PTPRT: variants seen among roughly 807,000 people sequenced by gnomAD.
The protein encoded by PTPRT is protein tyrosine phosphatase receptor type T.
A neutral mutation model predicts 176.8 loss-of-function variants in PTPRT; 56 were observed. The ratio of observed to expected loss-of-function variants is 0.32; its 90% CI spans 0.26 to 0.40. PTPRT has a LOEUF of 0.40. PTPRT is among the 10% of genes least tolerant of loss of function. The pLI, the probability that PTPRT is intolerant of heterozygous loss-of-function variation, is 1.00. For synonymous variants in PTPRT, 783 were observed against 739.0 expected (o/e 1.06, Z -0.96); for missense variants, 1,540 against 1,908.2 (o/e 0.81, Z 3.60).
chr20:42,068,318 C>T (rs756611162), downstream of PTPRT, among the ~76,000 whole-genome samples: 3 of 152,102 alleles, frequency 2.0e-5, no homozygotes, highest in Non-Finnish European at 2.9e-5. Context: ...TTCCCATGGC[C>T]GTGGATGACA....
chr20:42,580,159 G>A lies in PTPRT; in HGVS notation c.1153+97707C>T, dbSNP rs1176701049. On this transcript the variant is annotated intron_variant, in intron 7 of 30. Transcript: ENST00000373187. ...TTCCCAGCACCATCTATTAAATAGG[G>A]AATCCTTTCCCCATTGCTTGTTTTT... 2.0e-5 allele frequency among the ~76,000 whole-genome samples: 3 copies of A among 152,150 alleles called. No homozygotes were observed. In the East Asian group the frequency reaches 5.8e-4, roughly 29 times the overall value.
the PTPRT span, among the ~76,000 whole-genome samples, chr20:42,036,864 G>A: frequency 6.6e-6 from 1 of 152,158 alleles, no homozygotes; most frequent in African/African-American, 2.4e-5. Context: ...CATATCAGCA[G>A]AAAGAAGTTG....
chr20:42,643,172 C>A (rs546083564), intron 7 of PTPRT, among the ~76,000 whole-genome samples: 1 of 152,232 alleles, frequency 6.6e-6, no homozygotes, highest in East Asian at 1.9e-4. Context: ...CTGATGCAAC[C>A]AGTTCCATTA....
At chr20:43,146,438 G>A (rs184539811) in intron 1 of PTPRT, among the ~76,000 whole-genome samples, 89 of 152,234 alleles carry the variant, frequency 5.8e-4, no homozygotes, top group South Asian at 1.7e-3. Context: ...AGATGATTCT[G>A]TGTTCAGAAT....
chr20:42,108,260 T>G (rs1986664501), intron 23 of PTPRT, among the ~76,000 whole-genome samples: 1 of 136,380 alleles, frequency 7.3e-6, no homozygotes, highest in Admixed American at 7.4e-5. Context: ...TTATTTCATT[T>G]CAGCATCACA....
chr20:42,136,990 T>G (rs1988409993), intron 18 of PTPRT, among the ~76,000 whole-genome samples: 1 of 152,162 alleles, frequency 6.6e-6, no homozygotes, highest in Admixed American at 6.5e-5. Context: ...GAGGGCAGGT[T>G]CTGGGGACAT....
intron 1 of PTPRT, among the ~76,000 whole-genome samples, chr20:42,924,772 T>C (rs1308290885): frequency 6.6e-6 from 1 of 152,190 alleles, no homozygotes; most frequent in Non-Finnish European, 1.5e-5. Flanking sequence ...TGAGTGGAGA[T>C]TTGATCACAG....
At chr20:42,283,105 T>C (rs1308334019) in intron 12 of PTPRT, among the ~76,000 whole-genome samples, 1 of 152,150 alleles carries the variant, frequency 6.6e-6, no homozygotes, top group Non-Finnish European at 1.5e-5. Context: ...CAATAGAATC[T>C]TTGCTAGGTG....
intron 9 of PTPRT, among the ~76,000 whole-genome samples, chr20:42,431,949 G>A (rs2059218846): frequency 1.3e-5 from 2 of 152,212 alleles, no homozygotes; most frequent in Non-Finnish European, 2.9e-5. Context: ...CACAACAGCA[G>A]ATAGAACATT....
chr20:42,676,538 GCTCTCT>G (rs55873681), intron 7 of PTPRT, among the ~76,000 whole-genome samples: 15,847 of 148,518 alleles, frequency 0.11, 2,582 homozygotes, highest in African/African-American at 0.36. Context: ...TATATACAAT[GCTCTCT>G]CTCTCTCTCT....
intron 2 of PTPRT, among the ~76,000 whole-genome samples, chr20:42,855,426 A>T (rs2078543837): frequency 7.0e-6 from 1 of 143,140 alleles, no homozygotes; most frequent in Non-Finnish European, 1.5e-5. Context: ...ATCTATGTTC[A>T]TGCTTTTTTT....
chr20:42,407,733 C>A (rs1027719592), intron 9 of PTPRT, among the ~76,000 whole-genome samples: 1 of 152,016 alleles, frequency 6.6e-6, no homozygotes, highest in Non-Finnish European at 1.5e-5. Flanking sequence ...TAGAATTTAT[C>A]TACAAATGAT....
intron 10 of PTPRT, 66 bp from the exon 11 acceptor site, chr20:42,350,796 T>C: frequency 8.5e-7 from 1 of 1,170,980 alleles, no homozygotes; most frequent in East Asian, 2.4e-5. Flanking sequence ...CCACCGCCCC[T>C]TGCTGCCATC....
intron 9 of PTPRT, among the ~76,000 whole-genome samples, chr20:42,388,450 C>G (rs2058766246): frequency 6.6e-6 from 1 of 152,136 alleles, no homozygotes; most frequent in African/African-American, 2.4e-5. Flanking sequence ...ACAACCCCAT[C>G]AAAAAGTGAG....
At chr20:42,211,839 C>T (rs1003139762) in intron 15 of PTPRT, among the ~76,000 whole-genome samples, 14 of 151,728 alleles carry the variant, frequency 9.2e-5, no homozygotes, top group Non-Finnish European at 1.6e-4. Flanking sequence ...TATAAAGACA[C>T]ATGCACACAT....
intron 7 of PTPRT, among the ~76,000 whole-genome samples, chr20:42,528,988 G>T (rs1373328390): frequency 6.6e-6 from 1 of 152,190 alleles, no homozygotes; most frequent in African/African-American, 2.4e-5. Context: ...TCAACTATCA[G>T]TTTGTCACAA....
chr20:42,392,469 C>T (rs574128719), intron 9 of PTPRT, among the ~76,000 whole-genome samples: 2 of 152,184 alleles, frequency 1.3e-5, no homozygotes, highest in South Asian at 2.1e-4. Flanking sequence ...CTTACCTTAA[C>T]CCACATATTT....
intron 8 of PTPRT, among the ~76,000 whole-genome samples, chr20:42,450,838 G>A (rs947581726): frequency 4.3e-4 from 66 of 152,200 alleles, no homozygotes; most frequent in African/African-American, 1.6e-3. Flanking sequence ...TCTGGAAAGA[G>A]AGACAGACAT....
At chr20:42,733,058 CAT>C (rs1333837439) in intron 6 of PTPRT, among the ~76,000 whole-genome samples, 3 of 152,196 alleles carry the variant, frequency 2.0e-5, no homozygotes, top group African/African-American at 7.2e-5. Context: ...GATGCAACCT[CAT>C]GTGGAAATAA....
Sources: allele counts gnomAD v4.1 joint callset (sites outside exome capture counted in the v4.1 genomes callset), GRCh38; gene constraint gnomAD v4.1.1; transcripts MANE v1.5; gene names NCBI Gene and HGNC (gene_info 2026-07-23, HGNC 2026-07-21).